Variants in CTNNA2 observed in about 807,000 individuals in gnomAD.
CTNNA2 encodes the protein catenin alpha 2, also known as catenin alpha-2.
A neutral mutation model predicts 101.0 loss-of-function variants in CTNNA2; 42 were observed. The ratio of observed to expected loss-of-function variants is 0.42; its 90% CI spans 0.32 to 0.54. The LOEUF (loss-of-function observed/expected upper bound fraction) is 0.54. Ranked by LOEUF, CTNNA2 falls within the 20% of genes least tolerant of loss-of-function variation. The pLI is 0.14. For synonymous variants in CTNNA2, 450 were observed against 456.4 expected (o/e 0.99, Z 0.18); for missense variants, 871 against 1,223.1 (o/e 0.71, Z 4.29).
intron 1 of CTNNA2, among the ~76,000 whole-genome samples, chr2:79,526,752 G>T (rs1472956373): frequency 1.3e-5 from 2 of 152,074 alleles, no homozygotes; most frequent in African/African-American, 4.8e-5. Context: ...AACAAATGGT[G>T]CTGAGACAAC....
At chr2:80,446,509 A>G (rs113393158) in intron 9 of CTNNA2, among the ~76,000 whole-genome samples, 1,683 of 152,352 alleles carry the variant, frequency 0.011, 23 homozygotes, top group African/African-American at 0.033. Flanking sequence ...ATTACAAAAC[A>G]TCGCATGAAT....
At position 79,265,732 on chromosome 2, in the gene CTNNA2, A is replaced by G. The variant is rs901083411; in HGVS notation, c.-405-46977A>G. Among the ~76,000 whole-genome samples, 15 of 152,228 alleles carry G rather than the reference A, an allele frequency of 9.9e-5. 1 individual carries two copies. In the South Asian group the frequency reaches 3.1e-3, roughly 31 times the overall value. On this transcript the variant is annotated intron_variant, in intron 2 of 21. Transcript: ENST00000466387. ...AAGAAGGAAAATTATTTCAGAAGTC[A>G]TGACAAACTTGATTCAATATTTGTT...
In CTNNA2 at chr2:80,573,343, A is replaced by T. The variant is rs369824301; in HGVS notation, c.1742-820A>T. 6.6e-5 allele frequency: 10 copies of T among 152,150 alleles called. No homozygotes were observed. In the South Asian group the frequency reaches 1.0e-3, roughly 16 times the overall value. 9.4% of individuals were successfully genotyped at this position (152,150 alleles called of 1,614,324 possible). A position where few individuals can be genotyped will look rare whatever the true frequency, so the allele number is the denominator to read the frequency against. On this transcript the variant is annotated intron_variant, in intron 12 of 18. Transcript: ENST00000402739. ...CTAGGGTGTGTGCAGGATCCCTGTG[A>T]AAATAACGAAGTGTCAGCATTTTAG...
intron 7 of CTNNA2, among the ~76,000 whole-genome samples, chr2:80,104,045 T>G (rs907611432): frequency 1.3e-5 from 2 of 152,222 alleles, no homozygotes; most frequent in Non-Finnish European, 2.9e-5. Context: ...TTATAACAGC[T>G]ATGTGAAGCA....
intron 6 of CTNNA2, among the ~76,000 whole-genome samples, chr2:79,883,722 G>A (rs1309957297): frequency 6.6e-6 from 1 of 152,138 alleles, no homozygotes; most frequent in African/African-American, 2.4e-5. Context: ...AGAAAAGAGA[G>A]TATACCATAT....
chr2:79,195,463 T>C (rs946687906), intron 1 of CTNNA2, among the ~76,000 whole-genome samples: 2 of 152,188 alleles, frequency 1.3e-5, no homozygotes, highest in African/African-American at 4.8e-5. Context: ...TTTAGCTGAT[T>C]AGGCTTTAAC....
chr2:79,848,350 C>G (rs1680404144), intron 3 of CTNNA2, among the ~76,000 whole-genome samples: 1 of 152,122 alleles, frequency 6.6e-6, no homozygotes, highest in South Asian at 2.1e-4. Flanking sequence ...AAGCTTAGAT[C>G]ATCACTGTTT....
At chr2:80,389,092 C>T (rs1417628868) in intron 7 of CTNNA2, among the ~76,000 whole-genome samples, 1 of 152,152 alleles carries the variant, frequency 6.6e-6, no homozygotes, top group Non-Finnish European at 1.5e-5. Context: ...CATTATCTGC[C>T]TGGATGGAGA....
chr2:79,979,213 A>G (rs925893563), intron 7 of CTNNA2, among the ~76,000 whole-genome samples: 3 of 152,094 alleles, frequency 2.0e-5, no homozygotes, highest in Non-Finnish European at 2.9e-5. Flanking sequence ...GTGAGACTTC[A>G]TTTCCAAAAA....
intron 9 of CTNNA2, among the ~76,000 whole-genome samples, chr2:80,540,211 A>G (rs1260911785): frequency 6.6e-6 from 1 of 152,168 alleles, no homozygotes; most frequent in Non-Finnish European, 1.5e-5. Flanking sequence ...ATGTAGGAGA[A>G]AATATTAGCT....
At chr2:79,233,946 G>A (rs183807240) in intron 2 of CTNNA2, among the ~76,000 whole-genome samples, 9 of 150,396 alleles carry the variant, frequency 6.0e-5, no homozygotes, top group Non-Finnish European at 1.3e-4. Flanking sequence ...TTACATGTGA[G>A]ATGCATCTCA....
At chr2:79,295,210 C>G (rs1337166071) in intron 2 of CTNNA2, among the ~76,000 whole-genome samples, 2 of 152,174 alleles carry the variant, frequency 1.3e-5, no homozygotes, top group South Asian at 4.1e-4. Flanking sequence ...ATTTTGTCCT[C>G]TTTCCCAGCC....
At chr2:80,314,402 A>G (rs1017119992) in intron 7 of CTNNA2, among the ~76,000 whole-genome samples, 8 of 152,222 alleles carry the variant, frequency 5.3e-5, no homozygotes, top group African/African-American at 1.9e-4. Flanking sequence ...TCTCAACAAG[A>G]AAGAATAGGA....
chr2:80,169,264 T>A (rs553028810), intron 7 of CTNNA2, among the ~76,000 whole-genome samples: 2 of 152,116 alleles, frequency 1.3e-5, no homozygotes, highest in African/African-American at 2.4e-5. Context: ...TAACTGGATG[T>A]CCATAGTCAT....
intron 3 of CTNNA2, among the ~76,000 whole-genome samples, chr2:79,336,735 T>C (rs140070524): frequency 2.0e-3 from 308 of 152,302 alleles, no homozygotes; most frequent in Non-Finnish European, 3.5e-3. Context: ...GACACTGGCA[T>C]TGAACTCACT....
At chr2:79,283,579 C>T (rs369871485) in intron 2 of CTNNA2, among the ~76,000 whole-genome samples, 6 of 140,642 alleles carry the variant, frequency 4.3e-5, no homozygotes, top group African/African-American at 1.3e-4. Context: ...AGATATGCGG[C>T]GTTATTTCTG....
intron 3 of CTNNA2, among the ~76,000 whole-genome samples, chr2:79,321,952 A>T (rs1035279493): frequency 6.6e-5 from 10 of 152,222 alleles, no homozygotes; most frequent in African/African-American, 2.4e-4. Flanking sequence ...CCCAGCAGAC[A>T]TATGATCCCC....
chr2:79,856,885 C>T (rs7600078), intron 3 of CTNNA2, among the ~76,000 whole-genome samples: 6,083 of 152,252 alleles, frequency 0.04, 176 homozygotes, highest in East Asian at 0.13. Context: ...TGCATTTACC[C>T]TATTAACTGA....
At chr2:79,554,262 A>G (rs1405252898) in intron 1 of CTNNA2, among the ~76,000 whole-genome samples, 4 of 152,116 alleles carry the variant, frequency 2.6e-5, no homozygotes, top group African/African-American at 9.7e-5. Flanking sequence ...ACATGTTGGA[A>G]CTGATACGAT....
Sources: gnomAD v4.1 joint callset for allele counts (sites outside exome capture counted in the v4.1 genomes callset) on GRCh38, gnomAD v4.1.1 for gene constraint, MANE v1.5 for transcripts, NCBI Gene and HGNC (gene_info 2026-07-23, HGNC 2026-07-21) for gene names.